The following PTPN3 variants were observed in gnomAD, a reference collection of about 807,000 sequenced individuals.
PTPN3 encodes the protein tyrosine-protein phosphatase non-receptor type 3.
In PTPN3, 96 loss-of-function variants were observed where a neutral mutation model predicts 132.7. That is an observed-to-expected ratio of 0.72 (90% CI 0.61 to 0.86). The LOEUF is 0.86. Among genes scored for constraint, PTPN3 ranks in the 40% least tolerant of loss-of-function variants. PTPN3 has a pLI of 0.00. For missense variants in PTPN3, 1,125 were observed against 1,159.6 expected (o/e 0.97, Z 0.43); for synonymous variants, 398 against 429.0 (o/e 0.93, Z 0.89).
chr9:109,410,230 T>G lies in PTPN3; in HGVS notation c.1499A>C (p.Lys500Thr). 1.9e-6 allele frequency: 3 copies of G among 1,613,624 alleles called. No homozygotes were observed. Among genetic ancestry groups the G allele is most frequent in the Non-Finnish European group, 2.5e-6 (3 of 1,179,632 alleles). ...ACCCGGCTGCCTGCGCTCGCTCACC[T>G]TGTCACAGTAGTACTGGCTGGCGTC... ...TEDASQYYCDKNDNGDSYLVL... is the reference protein window; with the variant it reads ...TEDASQYYCDTNDNGDSYLVL... The change falls in exon 15 of 26, where the codon AAG (lysine) becomes ACG (threonine). Residue 500 changes from lysine (K) to threonine (T), a missense_variant and splice_region_variant. Lys to Thr is a moderately conservative substitution (Grantham distance 78). Coordinates refer to ENST00000374541, the MANE Select transcript of PTPN3 (RefSeq NM_002829.4).
At chr9:109,483,578 A>G (rs1847065215) in intron 1 of PTPN3, among the ~76,000 whole-genome samples, 1 of 152,144 alleles carries the variant, frequency 6.6e-6, no homozygotes, top group African/African-American at 2.4e-5. Flanking sequence ...TCCGGCAGAA[A>G]GCGATGCCTT....
intron 17 of PTPN3, among the ~76,000 whole-genome samples, chr9:109,406,917 T>C (rs1185476205): frequency 6.6e-6 from 1 of 152,230 alleles, no homozygotes; most frequent in East Asian, 1.9e-4. Context: ...ATAATATAAC[T>C]ATACCATTTC....
intron 1 of PTPN3, among the ~76,000 whole-genome samples, chr9:109,470,694 C>CAAAA (rs11387851): frequency 7.0e-6 from 1 of 143,834 alleles, no homozygotes; most frequent in African/African-American, 2.6e-5. Flanking sequence ...AGACCTCATC[C>CAAAA]AAAAAAAAAA....
At position 109,381,805 on chromosome 9, in the gene PTPN3, G is replaced by C; in HGVS notation, c.2529-18C>G. 1 of 1,614,174 alleles carries C rather than the reference G, an allele frequency of 6.2e-7. No individual in the cohort carries two copies. Among genetic ancestry groups the C allele is most frequent in the Non-Finnish European group, 8.5e-7 (1 of 1,180,000 alleles). On this transcript the variant is annotated intron_variant, in intron 24 of 25. Transcript: ENST00000374541. Reference sequence around the variant, plus strand: ...TTCCAGCACTGGAGAGGGGAGAGAAGACAGACTTGGGATTTGTCTGAGTAG... The same window carrying C: ...TTCCAGCACTGGAGAGGGGAGAGAACACAGACTTGGGATTTGTCTGAGTAG...
chr9:109,510,598 TA>T, the PTPN3 span, among the ~76,000 whole-genome samples: 15 of 131,502 alleles, frequency 1.1e-4, 1 homozygote, highest in African/African-American at 3.6e-4. Context: ...TATATATATA[TA>T]TATATATATG....
the PTPN3 span, chr9:109,534,385 G>C: frequency 6.8e-7 from 1 of 1,463,472 alleles, no homozygotes; most frequent in Non-Finnish European, 9.0e-7. Context: ...CTCCTCCCGG[G>C]GTGTGATGGT....
At chr9:109,485,376 T>C (rs548194921) in intron 1 of PTPN3, among the ~76,000 whole-genome samples, 2 of 152,004 alleles carry the variant, frequency 1.3e-5, no homozygotes, top group South Asian at 2.1e-4. Flanking sequence ...GGCGTGGTGG[T>C]GGGCGCCTGC....
At chr9:109,428,742 C>T (rs1472531348) in intron 10 of PTPN3, 58 bp from the exon 11 acceptor site, 17 of 1,565,890 alleles carry the variant, frequency 1.1e-5, no homozygotes, top group Non-Finnish European at 1.4e-5. Context: ...CAGGTTGAAG[C>T]TGATGCCTCT....
upstream of PTPN3, among the ~76,000 whole-genome samples, chr9:109,502,833 T>C (rs533789638): frequency 2.6e-5 from 4 of 152,278 alleles, no homozygotes; most frequent in East Asian, 3.9e-4. Context: ...TGGGTCAAAA[T>C]GGTTGAACAT....
intron 22 of PTPN3, among the ~76,000 whole-genome samples, chr9:109,384,364 G>A (rs1228957229): frequency 6.6e-6 from 1 of 152,146 alleles, no homozygotes; most frequent in Non-Finnish European, 1.5e-5. Flanking sequence ...CCCTAAAGAG[G>A]TGATATCCCA....
At chr9:109,511,361 A>G in the PTPN3 span, 1 of 152,750 alleles carries the variant, frequency 6.5e-6, no homozygotes, top group Non-Finnish European at 1.5e-5. Context: ...AGCCACAGTA[A>G]CTTTGACAGA....
chr9:109,422,965 G>A, intron 12 of PTPN3, 113 bp from the exon 13 acceptor site: 1 of 1,365,778 alleles, frequency 7.3e-7, no homozygotes. Context: ...GCAGGTTAAT[G>A]CCAAGGTTAT....
chr9:109,455,209 A>G (rs1439407181), intron 4 of PTPN3, among the ~76,000 whole-genome samples: 1 of 152,260 alleles, frequency 6.6e-6, no homozygotes, highest in Non-Finnish European at 1.5e-5. Context: ...AAATCACACA[A>G]TGAACATATT....
At chr9:109,466,465 C>CT (rs1246255347) in intron 1 of PTPN3, among the ~76,000 whole-genome samples, 1 of 152,140 alleles carries the variant, frequency 6.6e-6, no homozygotes, top group Non-Finnish European at 1.5e-5. Flanking sequence ...CAGCAAGACT[C>CT]TATCTCTTAA....
intron 7 of PTPN3, among the ~76,000 whole-genome samples, chr9:109,439,022 G>C (rs1844258484): frequency 6.6e-6 from 1 of 152,224 alleles, no homozygotes; most frequent in Admixed American, 6.5e-5. Flanking sequence ...CTGCTCCCTT[G>C]AGACCCTTGA....
chr9:109,462,782 A>G (rs1298067229), intron 2 of PTPN3, among the ~76,000 whole-genome samples: 2 of 151,910 alleles, frequency 1.3e-5, no homozygotes, highest in Non-Finnish European at 2.9e-5. Flanking sequence ...CAACCCACTC[A>G]CTCACACATT....
chr9:109,449,057 C>T (rs1374192398), intron 5 of PTPN3: 17 of 1,386,364 alleles, frequency 1.2e-5, no homozygotes, highest in African/African-American at 4.4e-5. Context: ...TGATGCCCTA[C>T]GTCTTGACTG....
intron 14 of PTPN3, among the ~76,000 whole-genome samples, chr9:109,412,588 T>C (rs573444008): frequency 1.8e-3 from 267 of 152,310 alleles, no homozygotes; most frequent in Non-Finnish European, 2.6e-3. Flanking sequence ...TTGGCCAAGA[T>C]AGTCTCGATC....
At chr9:109,476,915 A>G (rs1846694582) in intron 1 of PTPN3, among the ~76,000 whole-genome samples, 1 of 152,086 alleles carries the variant, frequency 6.6e-6, no homozygotes, top group African/African-American at 2.4e-5. Flanking sequence ...TTCCTGTGCT[A>G]CAGGGCTTCA....
Sources: gnomAD v4.1 joint callset for allele counts (sites outside exome capture counted in the v4.1 genomes callset) on GRCh38, gnomAD v4.1.1 for gene constraint, MANE v1.5 for transcripts, NCBI Gene and HGNC (gene_info 2026-07-23, HGNC 2026-07-21) for gene names.